The following CSNK2A1 variants were observed in gnomAD, a reference collection of about 807,000 sequenced individuals.
CSNK2A1 encodes the protein casein kinase II subunit alpha.
CSNK2A1 carries 10 observed loss-of-function variants against 62.9 expected under a neutral mutation model. The observed-to-expected ratio is 0.16, with a 90% CI of 0.10 to 0.27. The LOEUF (loss-of-function observed/expected upper bound fraction) is 0.27, where lower values mean the gene tolerates loss of function less well. Among genes scored for constraint, CSNK2A1 ranks in the 10% least tolerant of loss-of-function variants. CSNK2A1 has a pLI of 1.00. For synonymous variants in CSNK2A1, 124 were observed against 167.8 expected (o/e 0.74, Z 2.02); for missense variants, 160 against 492.0 (o/e 0.33, Z 6.38).
chr20:490,353 G>GTTTTTTT (rs373775413), intron 9 of CSNK2A1, among the ~76,000 whole-genome samples: 16 of 53,412 alleles, frequency 3.0e-4, no homozygotes, highest in African/African-American at 1.3e-3. Flanking sequence ...TTTTTTTTTA[G>GTTTTTTT]TTTTTTTTTT....
At chr20:488,386 A>T in intron 11 of CSNK2A1, 1 of 276,282 alleles carries the variant, frequency 3.6e-6, no homozygotes, top group Non-Finnish European at 6.8e-6. Context: ...GAAGCAAGGT[A>T]AATTTTGATT....
rs1568526318 is a variant in CSNK2A1 at position 505,211 on chromosome 20, C to T, written c.120G>A (p.Gln40=). ...TACCTCGGCCTAATTTTCGAACCAG[C>T]TGGTAGTCATCTTGATTTCTGTGGA... ...VVEWGNQDDY[Q]LVRKLGRGKY... is the part of the protein sequence containing the mutation. Residue 40 remains glutamine (Q), a synonymous_variant, in exon 4 of 14, where the codon CAG becomes CAA. Transcript: ENST00000217244. 2.5e-6 allele frequency: 4 copies of T among 1,613,496 alleles called. No individual in the cohort carries two copies. Among genetic ancestry groups the T allele is most frequent in the African/African-American group, 1.3e-5 (1 of 74,882 alleles).
chr20:525,191 G>A (rs139820004), intron 2 of CSNK2A1, among the ~76,000 whole-genome samples: 1 of 152,050 alleles, frequency 6.6e-6, no homozygotes, highest in Non-Finnish European at 1.5e-5. Flanking sequence ...TCAAAACGTG[G>A]GATACAATTA....
Position 490,335 on chromosome 20 carries a change from C to CTTTTTTTTTTTTTTTTT in CSNK2A1, c.622-455_622-454insAAAAAAAAAAAAAAAAA, listed in dbSNP as rs907727482. Among the ~76,000 whole-genome samples the CTTTTTTTTTTTTTTTTT allele has an allele frequency of 2.1e-3, 175 of 84,734 alleles. 3 individuals are homozygous for CTTTTTTTTTTTTTTTTT. Among genetic ancestry groups the CTTTTTTTTTTTTTTTTT allele is most frequent in the African/African-American group, 8.8e-3 (160 of 18,178 alleles). 55.6% of individuals were successfully genotyped at this position (84,734 alleles called of 152,430 possible). The stretch of plus-strand genomic sequence containing the variant: ...ACCCACCGTGCCTGGCTAGTTTTTT[C>CTTTTTTTTTTTTTTTTT]TTTTTTTTTTTTTTTTAGTTTTTTT... On this transcript the variant is annotated intron_variant, in intron 9 of 13. Transcript: ENST00000217244.
At chr20:500,168 A>C in intron 4 of CSNK2A1, 1 of 473,950 alleles carries the variant, frequency 2.1e-6, no homozygotes, top group South Asian at 2.7e-5. Flanking sequence ...AAGACCAGAC[A>C]CTTCTGCAGA....
chr20:535,034 C>CA (rs11469217), intron 1 of CSNK2A1, among the ~76,000 whole-genome samples: 1,532 of 50,814 alleles, frequency 0.03, 11 homozygotes, highest in Non-Finnish European at 0.033. Context: ...TGCTATCTCC[C>CA]AAAAAAAAAA....
At position 497,458 on chromosome 20, in the gene CSNK2A1, AT is replaced by A. The variant is rs529870046; in HGVS notation, c.426+262del. On this transcript the variant is annotated intron_variant, in intron 7 of 13. Coordinates refer to ENST00000217244, the MANE Select transcript of CSNK2A1 (RefSeq NM_177559.3). ...ACCACCATGCCCAGGTAATTAAACA[AT>A]TTTTTTTTGTAGAGATGGGGATCTC... Among the ~76,000 whole-genome samples the A allele has an allele frequency of 2.6e-3, 371 of 145,476 alleles. 3 individuals are homozygous for A. Among genetic ancestry groups the A allele is most frequent in the African/African-American group, 9.2e-3 (359 of 38,902 alleles).
At chr20:512,282 T>C (rs1211570283) in intron 2 of CSNK2A1, among the ~76,000 whole-genome samples, 2 of 152,142 alleles carry the variant, frequency 1.3e-5, no homozygotes, top group African/African-American at 4.8e-5. Flanking sequence ...TTAATTTGCA[T>C]TTCCCTAATG....
intron 2 of CSNK2A1, among the ~76,000 whole-genome samples, chr20:514,604 G>A (rs1277660519): frequency 6.6e-6 from 1 of 151,750 alleles, no homozygotes; most frequent in African/African-American, 2.4e-5. Flanking sequence ...ATCAGGCCCA[G>A]CTAATATTTG....
chr20:485,335 C>T (rs2018075300), intron 13 of CSNK2A1, among the ~76,000 whole-genome samples: 1 of 151,396 alleles, frequency 6.6e-6, no homozygotes, highest in African/African-American at 2.4e-5. Context: ...GGCGCCGCCG[C>T]CACGCCCAGC....
rs1321947707 is a variant in CSNK2A1 at position 475,492 on chromosome 20, T to G, written c.*8469A>C. 3 of 151,916 alleles carry G rather than the reference T, an allele frequency of 2.0e-5. No individual in the cohort carries two copies. Among genetic ancestry groups the G allele is most frequent in the African/African-American group, 7.2e-5 (3 of 41,390 alleles). The allele number at this position is 151,916 out of a possible 1,614,324, so 9.4% of individuals were successfully genotyped here. A position where few individuals can be genotyped will look rare whatever the true frequency, so the allele number is the denominator to read the frequency against. ...AAAAAAAAAAAGTTGGTGTAATCCT[T>G]TCCACACACACATATATATATACAT... On this transcript the variant is annotated 3_prime_UTR_variant, in exon 14 of 14. Coordinates refer to ENST00000217244, the MANE Select transcript of CSNK2A1 (RefSeq NM_177559.3).
At position 483,320 on chromosome 20, in the gene CSNK2A1, T is replaced by C. The variant is rs2017992754; in HGVS notation, c.*641A>G. 2 of 152,216 alleles carry C rather than the reference T, an allele frequency of 1.3e-5. No individual in the cohort carries two copies. 9.4% of individuals were successfully genotyped at this position (152,216 alleles called of 1,614,324 possible). On this transcript the variant is annotated 3_prime_UTR_variant, in exon 14 of 14. Coordinates refer to ENST00000217244, the MANE Select transcript of CSNK2A1 (RefSeq NM_177559.3). ...TTACTGAACAGAAGTTTTTAGTATC[T>C]GTCTGCATTTTGGGTAGATTTTCAA...
At chr20:534,465 C>T (rs2122649772) in intron 1 of CSNK2A1, among the ~76,000 whole-genome samples, 1 of 152,292 alleles carries the variant, frequency 6.6e-6, no homozygotes, top group African/African-American at 2.4e-5. Context: ...AAAAGCTTTT[C>T]TGTGTGGCTA....
chr20:491,262 C>T (rs548265563), intron 9 of CSNK2A1, among the ~76,000 whole-genome samples: 1 of 152,252 alleles, frequency 6.6e-6, no homozygotes, highest in Non-Finnish European at 1.5e-5. Context: ...TCTCCTTTTT[C>T]TGTGAGGAGA....
intron 10 of CSNK2A1, 68 bp downstream of exon 10, chr20:489,712 G>C (rs978178136): frequency 2.2e-5 from 29 of 1,315,412 alleles, no homozygotes; most frequent in Middle Eastern, 1.9e-4. Context: ...TGAACTGAAA[G>C]TTACAGGCAG....
intron 2 of CSNK2A1, among the ~76,000 whole-genome samples, chr20:514,909 C>T (rs117712191): frequency 0.022 from 3,383 of 152,232 alleles, 52 homozygotes; most frequent in South Asian, 0.046. Flanking sequence ...AAATAGATAA[C>T]CATCTACTAT....
chr20:517,897 C>T (rs1356207626), intron 2 of CSNK2A1, among the ~76,000 whole-genome samples: 1 of 152,188 alleles, frequency 6.6e-6, no homozygotes, highest in African/African-American at 2.4e-5. Context: ...GTTTACTCGA[C>T]TGTTACCATT....
intron 1 of CSNK2A1, chr20:540,696 T>C (rs910423937): frequency 2.0e-5 from 3 of 152,182 alleles, no homozygotes; most frequent in African/African-American, 7.2e-5. Flanking sequence ...CTAACCTTTA[T>C]CTACTGCCAC....
At chr20:491,939 A>G (rs1360697994) in intron 9 of CSNK2A1, among the ~76,000 whole-genome samples, 2 of 152,160 alleles carry the variant, frequency 1.3e-5, no homozygotes, top group Non-Finnish European at 2.9e-5. Context: ...AAAAACAAAA[A>G]CAAAAACAAA....
Sources: allele counts gnomAD v4.1 joint callset (sites outside exome capture counted in the v4.1 genomes callset), GRCh38; gene constraint gnomAD v4.1.1; transcripts MANE v1.5; gene names NCBI Gene and HGNC (gene_info 2026-07-23, HGNC 2026-07-21).